The following MCPH1 variants were observed in gnomAD, a reference collection of about 807,000 sequenced individuals.
MCPH1 encodes microcephalin 1.
MCPH1 carries 104 observed loss-of-function variants against 84.5 expected under a neutral mutation model. The ratio of observed to expected loss-of-function variants is 1.23; its 90% CI spans 1.05 to 1.45. MCPH1 has a LOEUF of 1.45. MCPH1 is among the 40% of genes most tolerant of loss of function. The probability of loss-of-function intolerance (pLI) is 0.00; values close to 1 mark genes in which losing one functional copy is unlikely to be tolerated. For missense variants in MCPH1, 1,498 were observed against 1,005.7 expected (o/e 1.49, Z -6.62); for synonymous variants, 514 against 366.8 (o/e 1.40, Z -4.58).
intron 12 of MCPH1, among the ~76,000 whole-genome samples, chr8:6,531,155 G>A (rs976900752): frequency 2.6e-5 from 4 of 151,962 alleles, no homozygotes; most frequent in African/African-American, 9.7e-5. Flanking sequence ...ACTGCTAATA[G>A]CAGCTTTTCC....
chr8:6,581,018 C>G (rs1465737893), intron 12 of MCPH1, among the ~76,000 whole-genome samples: 2 of 152,186 alleles, frequency 1.3e-5, no homozygotes, highest in African/African-American at 4.8e-5. Context: ...CAACTATTTA[C>G]ATAGCATTTA....
chr8:6,431,640 AT>A (rs1801857935), intron 4 of MCPH1, 54 bp downstream of exon 4: 1 of 1,217,094 alleles, frequency 8.2e-7, no homozygotes, highest in Non-Finnish European at 1.2e-6. Context: ...ATTCGTTTTT[AT>A]TTTTTATTTC....
chr8:6,505,691 A>G (rs1377213923), intron 12 of MCPH1, among the ~76,000 whole-genome samples: 2 of 105,978 alleles, frequency 1.9e-5, no homozygotes, highest in Non-Finnish European at 4.3e-5. Context: ...TATATAGAAT[A>G]TATGTATTCT....
intron 12 of MCPH1, among the ~76,000 whole-genome samples, chr8:6,540,682 G>A (rs79715960): frequency 0.011 from 1,735 of 152,378 alleles, 17 homozygotes; most frequent in Non-Finnish European, 0.015. Context: ...GTATGTGTGT[G>A]TACCTCTGTC....
At chr8:6,638,812 T>C (rs1797737418) in intron 13 of MCPH1, among the ~76,000 whole-genome samples, 1 of 152,172 alleles carries the variant, frequency 6.6e-6, no homozygotes, top group Non-Finnish European at 1.5e-5. Context: ...TCATTTTTCC[T>C]GTGTGTGTTT....
intron 12 of MCPH1, chr8:6,527,488 T>G (rs1433643402): frequency 1.9e-5 from 30 of 1,563,106 alleles, no homozygotes; most frequent in Non-Finnish European, 2.6e-5. Context: ...ATTCATCATT[T>G]GAGACCGACT....
At chr8:6,462,085 T>C (rs1806356087) in intron 9 of MCPH1, among the ~76,000 whole-genome samples, 1 of 152,182 alleles carries the variant, frequency 6.6e-6, no homozygotes, top group African/African-American at 2.4e-5. Context: ...AGCACAGAAA[T>C]GTTTACAGAG....
rs116181896 is a variant in MCPH1, at chr8:6,416,013, C to T, written c.233+1130C>T. 4.2e-3 allele frequency among the ~76,000 whole-genome samples: 634 copies of T among 152,172 alleles called. 5 individuals carry two copies. Among genetic ancestry groups the T allele is most frequent in the African/African-American group, 0.015 (605 of 41,530 alleles). Reference sequence around the variant, plus strand: ...GTTTTCAGTGTACAAGTTTTTTACCCCCTAGGTTAAATTTATTCCTAACTT... The same window carrying T: ...GTTTTCAGTGTACAAGTTTTTTACCTCCTAGGTTAAATTTATTCCTAACTT... On this transcript the variant is annotated intron_variant, in intron 3 of 13. Coordinates refer to ENST00000344683, the MANE Select transcript of MCPH1 (RefSeq NM_024596.5).
At chr8:6,601,440 T>G (rs1040961304) in intron 12 of MCPH1, among the ~76,000 whole-genome samples, 13 of 151,858 alleles carry the variant, frequency 8.6e-5, no homozygotes, top group African/African-American at 3.1e-4. Context: ...CGTACGGGAC[T>G]GCTCACCTCC....
intron 13 of MCPH1, among the ~76,000 whole-genome samples, chr8:6,630,909 C>T (rs534170628): frequency 2.6e-5 from 4 of 152,070 alleles, no homozygotes; most frequent in Non-Finnish European, 4.4e-5. Flanking sequence ...TAAAAAGGCA[C>T]CTGTACATGG....
Position 6,628,213 on chromosome 8 carries a change from G to A in MCPH1, c.2452+6522G>A, listed in dbSNP as rs534391641. On this transcript the variant is annotated intron_variant, in intron 13 of 13. Coordinates refer to ENST00000344683, the MANE Select transcript of MCPH1 (RefSeq NM_024596.5). ...AGGCTGGGCGCAGTGGCTCACTCCCGTCATCCCAGCACTTTGGGAGGCCGA... is the reference window on the plus strand; with the variant it reads ...AGGCTGGGCGCAGTGGCTCACTCCCATCATCCCAGCACTTTGGGAGGCCGA... 5.9e-5 allele frequency among the ~76,000 whole-genome samples: 9 copies of A among 151,862 alleles called. No individual in the cohort carries two copies. The South Asian group carries it at 1.0e-3, about 17-fold the overall frequency.
intron 1 of MCPH1, chr8:6,407,276 CTT>C (rs1194139383): frequency 1.2e-5 from 2 of 161,078 alleles, no homozygotes; most frequent in Non-Finnish European, 1.4e-5. Context: ...ACTGCGGAGT[CTT>C]TGTGTGCCAG....
intron 12 of MCPH1, among the ~76,000 whole-genome samples, chr8:6,613,171 C>T (rs1474705515): frequency 6.6e-6 from 1 of 152,182 alleles, no homozygotes; most frequent in Non-Finnish European, 1.5e-5. Context: ...ATCTCTGTTA[C>T]TCCACTGTCC....
chr8:6,548,335 C>A (rs576635530), intron 12 of MCPH1, among the ~76,000 whole-genome samples: 1 of 152,284 alleles, frequency 6.6e-6, no homozygotes, highest in Non-Finnish European at 1.5e-5. Context: ...TGGTCCCCTG[C>A]CACTTAGATG....
chr8:6,414,377 G>A (rs987768779), intron 2 of MCPH1, among the ~76,000 whole-genome samples: 32 of 152,306 alleles, frequency 2.1e-4, no homozygotes, highest in African/African-American at 7.7e-4. Context: ...TTTCTCTGTT[G>A]CCTCTGAATT....
intron 12 of MCPH1, among the ~76,000 whole-genome samples, chr8:6,592,988 C>T (rs1828629631): frequency 6.6e-6 from 1 of 151,798 alleles, no homozygotes; most frequent in Non-Finnish European, 1.5e-5. Context: ...TTCTCTTCCC[C>T]CTACACCCCA....
At chr8:6,509,985 A>G (rs1563316671) in intron 12 of MCPH1, among the ~76,000 whole-genome samples, 1 of 152,142 alleles carries the variant, frequency 6.6e-6, no homozygotes, top group Non-Finnish European at 1.5e-5. Context: ...TTTAAATCCC[A>G]AAGTGTAGTT....
intron 3 of MCPH1, 95 bp downstream of exon 3, chr8:6,414,978 G>C (rs1303092448): frequency 2.3e-6 from 3 of 1,288,864 alleles, no homozygotes; most frequent in Non-Finnish European, 3.3e-6. Flanking sequence ...GATAAAGTTT[G>C]ATTTTCATCT....
chr8:6,509,893 C>G (rs964454069), intron 12 of MCPH1, among the ~76,000 whole-genome samples: 8 of 152,226 alleles, frequency 5.3e-5, no homozygotes, highest in African/African-American at 1.9e-4. Flanking sequence ...ACAGGACTGA[C>G]TGGGACCTGT....
Sources: allele counts gnomAD v4.1 joint callset (sites outside exome capture counted in the v4.1 genomes callset), GRCh38; gene constraint gnomAD v4.1.1; transcripts MANE v1.5; gene names NCBI Gene and HGNC (gene_info 2026-07-23, HGNC 2026-07-21).